The following SGCZ variants were observed in gnomAD, a reference collection of about 807,000 sequenced individuals.
SGCZ encodes the protein zeta-sarcoglycan.
A neutral mutation model predicts 41.3 loss-of-function variants in SGCZ; 40 were observed. The observed-to-expected ratio is 0.97, with a 90% confidence interval of 0.75 to 1.26. The LOEUF is 1.26. Ranked by LOEUF, SGCZ falls within the 50% of genes most tolerant of loss-of-function variation. SGCZ has a pLI of 0.00. For missense variants in SGCZ, 552 were observed against 369.8 expected, an observed-to-expected ratio of 1.49 and a Z score of -4.04; for synonymous variants, 206 against 137.5, an observed-to-expected ratio of 1.50 and a Z score of -3.49.
At chr8:14,818,629 T>A (rs1483240984) in intron 1 of SGCZ, among the ~76,000 whole-genome samples, 2 of 152,106 alleles carry the variant, frequency 1.3e-5, no homozygotes, top group African/African-American at 4.8e-5. Context: ...TTCAAACTGA[T>A]AATCTTAAGG....
At chr8:14,248,881 G>C (rs41483346) in intron 3 of SGCZ, among the ~76,000 whole-genome samples, 2 of 151,686 alleles carry the variant, frequency 1.3e-5, no homozygotes, top group African/African-American at 2.4e-5. Context: ...AAACAGATGA[G>C]AAAAACCAGA....
At chr8:14,586,478 G>A (rs956151552) in intron 1 of SGCZ, among the ~76,000 whole-genome samples, 4 of 152,170 alleles carry the variant, frequency 2.6e-5, no homozygotes, top group Non-Finnish European at 1.5e-5. Context: ...TTTCCAAAGT[G>A]TTGGGATTGC....
intron 1 of SGCZ, among the ~76,000 whole-genome samples, chr8:14,671,353 T>C (rs1207310739): frequency 6.6e-6 from 1 of 152,182 alleles, no homozygotes; most frequent in East Asian, 1.9e-4. Context: ...TTATCAGGTG[T>C]TAAAACCCTT....
At chr8:14,830,180 T>G (rs11997535) in intron 1 of SGCZ, among the ~76,000 whole-genome samples, 20,120 of 152,156 alleles carry the variant, frequency 0.13, 2,385 homozygotes, top group African/African-American at 0.32. Context: ...ATGGACCAAC[T>G]TTATTTATTT....
intron 2 of SGCZ, among the ~76,000 whole-genome samples, chr8:14,345,115 C>A (rs1563270223): frequency 6.6e-6 from 1 of 151,944 alleles, no homozygotes. Context: ...AAAATTAAGC[C>A]AATGAACTGA....
At chr8:15,107,073 G>T (rs1806857109) in intron 1 of SGCZ, among the ~76,000 whole-genome samples, 1 of 151,680 alleles carries the variant, frequency 6.6e-6, no homozygotes. Context: ...ATATAATCAG[G>T]GTATATTATT....
At chr8:14,504,329 G>T (rs1190130649) in intron 2 of SGCZ, among the ~76,000 whole-genome samples, 1 of 152,076 alleles carries the variant, frequency 6.6e-6, no homozygotes, top group African/African-American at 2.4e-5. Flanking sequence ...ATTAATCAGG[G>T]CCCATGGGGG....
intron 1 of SGCZ, among the ~76,000 whole-genome samples, chr8:14,671,639 C>A (rs112179353): frequency 1.4e-3 from 209 of 152,148 alleles, no homozygotes; most frequent in African/African-American, 4.7e-3. Flanking sequence ...AAAGAAAACC[C>A]AGAAACTAAG....
chr8:14,946,823 C>T (rs1800465370), intron 1 of SGCZ, among the ~76,000 whole-genome samples: 1 of 151,758 alleles, frequency 6.6e-6, no homozygotes, highest in Non-Finnish European at 1.5e-5. Flanking sequence ...CTACAGGCAC[C>T]CACCACCACG....
intron 1 of SGCZ, among the ~76,000 whole-genome samples, chr8:14,822,338 T>C (rs1255335422): frequency 6.6e-6 from 1 of 152,136 alleles, no homozygotes; most frequent in Non-Finnish European, 1.5e-5. Context: ...AAATTGAAGA[T>C]GACAGAATTA....
At chr8:14,269,348 T>C (rs946083580) in intron 3 of SGCZ, among the ~76,000 whole-genome samples, 3 of 152,182 alleles carry the variant, frequency 2.0e-5, no homozygotes, top group African/African-American at 7.2e-5. Flanking sequence ...AATATAAACA[T>C]TCTCGTGCTG....
chr8:14,170,087 T>C lies in SGCZ; in HGVS notation c.425-5385A>G, dbSNP rs1481435698. Among the ~76,000 whole-genome samples the C allele has an allele frequency of 3.3e-5, 5 of 152,064 alleles. No individual in the cohort carries two copies. The East Asian group carries it at 5.8e-4, about 18-fold the overall frequency. ...TTTTTTTTTTACTTTTCCTTTATTC[T>C]TTGAGTTTTCATATATTATTCTCTG... On this transcript the variant is annotated intron_variant, in intron 4 of 7. Transcript: ENST00000382080.
intron 1 of SGCZ, among the ~76,000 whole-genome samples, chr8:14,806,263 A>T (rs1443430571): frequency 4.0e-5 from 6 of 151,116 alleles, no homozygotes; most frequent in Admixed American, 1.3e-4. Flanking sequence ...AGACATAAAA[A>T]ACCCTTCAAA....
intron 1 of SGCZ, among the ~76,000 whole-genome samples, chr8:15,227,031 C>G (rs114452383): frequency 1.4e-3 from 219 of 152,258 alleles, no homozygotes; most frequent in African/African-American, 4.8e-3. Context: ...TTTGTTAGAT[C>G]AGGGTGACTG....
intron 1 of SGCZ, among the ~76,000 whole-genome samples, chr8:15,073,143 C>T (rs1329202065): frequency 6.6e-6 from 1 of 152,072 alleles, no homozygotes; most frequent in Non-Finnish European, 1.5e-5. Context: ...CAAAGCTGAC[C>T]AGGCAGTGGA....
chr8:15,220,049 ACATATAACTAACAGATATGGATC>A (rs1415691590), intron 1 of SGCZ, among the ~76,000 whole-genome samples: 3 of 152,234 alleles, frequency 2.0e-5, no homozygotes, highest in Non-Finnish European at 4.4e-5. Context: ...TCTATAATAT[ACATATAACTAACAGATATGGATC>A]TTAAAATAAT....
rs112284076 is a variant in SGCZ at position 14,098,594 on chromosome 8, T to C, written c.744+3782A>G. On this transcript the variant is annotated intron_variant, in intron 7 of 7. Coordinates refer to ENST00000382080, the MANE Select transcript of SGCZ (RefSeq NM_139167.4). ...TCAAGCTCTGAAAATGCCAAAAGTA[T>C]TCTAGGGGCAAACTCTGAGACTGTG... Among the ~76,000 whole-genome samples the C allele has an allele frequency of 7.2e-5, 11 of 152,286 alleles. 1 individual carries two copies. Among genetic ancestry groups the C allele is most frequent in the African/African-American group, 2.6e-4 (11 of 41,568 alleles).
chr8:14,571,101 G>C (rs1804537698), intron 1 of SGCZ, among the ~76,000 whole-genome samples: 1 of 152,134 alleles, frequency 6.6e-6, no homozygotes, highest in East Asian at 1.9e-4. Flanking sequence ...CATGGCTGAG[G>C]AGGCCTCAGG....
chr8:14,451,586 G>C (rs1011728495), intron 2 of SGCZ, among the ~76,000 whole-genome samples: 1 of 152,082 alleles, frequency 6.6e-6, no homozygotes, highest in African/African-American at 2.4e-5. Flanking sequence ...ATTTGCAAAA[G>C]ACAGATCTGA....
Sources: gnomAD v4.1 joint callset for allele counts (sites outside exome capture counted in the v4.1 genomes callset) on GRCh38, gnomAD v4.1.1 for gene constraint, MANE v1.5 for transcripts, NCBI Gene and HGNC (gene_info 2026-07-23, HGNC 2026-07-21) for gene names.